NPR2: variants seen among roughly 807,000 people sequenced by gnomAD.
NPR2 encodes the protein natriuretic peptide receptor 2.
NPR2 carries 49 observed loss-of-function variants against 120.7 expected under a neutral mutation model. That is an observed-to-expected ratio of 0.41 (90% CI 0.32 to 0.52). The LOEUF (loss-of-function observed/expected upper bound fraction) is 0.52. Among genes scored for constraint, NPR2 ranks in the 20% least tolerant of loss-of-function variants. The pLI, the probability that NPR2 is intolerant of heterozygous loss-of-function variation, is 0.36. For missense variants in NPR2, 931 were observed against 1,362.9 expected, an observed-to-expected ratio of 0.68 and a Z score of 4.99; for synonymous variants, 484 against 519.8, an observed-to-expected ratio of 0.93 and a Z score of 0.94.
chr9:35,805,675 G>A lies in NPR2; in HGVS notation c.2047+5G>A, dbSNP rs199981802. On this transcript the variant is annotated splice_donor_5th_base_variant and intron_variant, in intron 13 of 21. Coordinates refer to ENST00000342694, the MANE Select transcript of NPR2 (RefSeq NM_003995.4). This position sits in a 1 kb window ranked among gnomAD's most constrained non-coding sequence, Gnocchi z 4.9. ...ACAGCCATGCCCTCTATGCCAGTGAGGCCCACCCCCACAACCCACTTTTTA... is the reference window on the plus strand; with the variant it reads ...ACAGCCATGCCCTCTATGCCAGTGAAGCCCACCCCCACAACCCACTTTTTA... The A allele has an allele frequency of 9.3e-6, 15 of 1,613,784 alleles. No individual in the cohort carries two copies. Among genetic ancestry groups the A allele is most frequent in the Non-Finnish European group, 1.3e-5 (15 of 1,180,020 alleles).
Position 35,809,175 on chromosome 9 carries a change from C to T in NPR2, c.3006C>T (p.Ser1002=). 1 of 1,614,050 alleles carries T rather than the reference C, an allele frequency of 6.2e-7. No individual in the cohort carries two copies. The highest frequency in any genetic ancestry group is 8.5e-7 in the Non-Finnish European group (1 of 1,179,972). The change falls in exon 21 of 22, where the codon TCC becomes TCT. Residue 1002 remains serine, a synonymous_variant. Coordinates refer to ENST00000342694, the MANE Select transcript of NPR2 (RefSeq NM_003995.4). The surrounding 1 kb of genome is among the most constrained non-coding windows in gnomAD (Gnocchi z 4.1). ...CCCCAGCGCTGAAGATCCATGTCTC[C>T]TCTACCACCAAGGATGCCCTAGATG... is the stretch of plus-strand genomic sequence containing the variant. ...SNGQALKIHV[S]STTKDALDEL...
Position 35,809,038 on chromosome 9 carries a change from C to A in NPR2, c.2987-118C>A, listed in dbSNP as rs1588074183. 2.8e-6 allele frequency: 3 copies of A among 1,074,308 alleles called. No homozygotes were observed. The highest frequency in any genetic ancestry group is 4.3e-6 in the Non-Finnish European group (3 of 692,630). 66.5% of individuals were successfully genotyped at this position (1,074,308 alleles called of 1,614,324 possible). On this transcript the variant is annotated intron_variant, in intron 20 of 21. Coordinates refer to ENST00000342694, the MANE Select transcript of NPR2 (RefSeq NM_003995.4). This position sits in a 1 kb window ranked among gnomAD's most constrained non-coding sequence, Gnocchi z 4.1. ...GCATATTTTGGTCCTAATAGATATG[C>A]ATTGGGAGCTTCCCAGGGATGGTTG...
Position 35,805,644 on chromosome 9 carries a change from C to G in NPR2, c.2021C>G (p.Pro674Arg), listed in dbSNP as rs1212858817. The change falls in exon 13 of 22, where the codon CCT becomes CGT. Residue 674 changes from proline (P) to arginine (R), a missense_variant. Pro to Arg is a moderately radical substitution (Grantham distance 103, BLOSUM62 -2). Coordinates refer to ENST00000342694, the MANE Select transcript of NPR2 (RefSeq NM_003995.4). This position sits in a 1 kb window ranked among gnomAD's most constrained non-coding sequence, Gnocchi z 4.9. ...GLASFRSTAE[P>R]DDSHALYAKK... Reference sequence around the variant, plus strand: ...GCCAGCTTCCGATCAACTGCTGAACCTGATGACAGCCATGCCCTCTATGCC... The same window carrying G: ...GCCAGCTTCCGATCAACTGCTGAACGTGATGACAGCCATGCCCTCTATGCC... The G allele has an allele frequency of 1.2e-6, 2 of 1,614,156 alleles. No homozygotes were observed. Among genetic ancestry groups the G allele is most frequent in the Non-Finnish European group, 1.7e-6 (2 of 1,180,040 alleles).
chr9:35,808,369 A>G lies in NPR2; in HGVS notation c.2713-140A>G. ...TCTCCTCTCCCCTAGACTCAGGACC[A>G]TGGCACTTATTTTCTAGTCAATATT... On this transcript the variant is annotated intron_variant, in intron 18 of 21. Transcript: ENST00000342694. This position sits in a 1 kb window ranked among gnomAD's most constrained non-coding sequence, Gnocchi z 4.0. The G allele has an allele frequency of 7.1e-7, 1 of 1,411,030 alleles. No homozygotes were observed. The allele number at this position is 1,411,030 out of a possible 1,614,324, so 87.4% of individuals were successfully genotyped here.
At chr9:35,794,870 A>G (rs1017427119) in intron 2 of NPR2, among the ~76,000 whole-genome samples, 6 of 152,024 alleles carry the variant, frequency 3.9e-5, no homozygotes, top group Admixed American at 1.3e-4. Flanking sequence ...ATAATTATAC[A>G]GTAGTGACAG....
At chr9:35,799,829 A>G (rs2132077787) in intron 3 of NPR2, 98 bp downstream of exon 3, 1 of 1,384,730 alleles carries the variant, frequency 7.2e-7, no homozygotes, top group East Asian at 2.3e-5. Context: ...AGCAAGCCCA[A>G]CTTTGGGGGG....
In NPR2 at chr9:35,793,021, C is replaced by A; in HGVS notation, c.613C>A (p.Arg205=). 6.2e-7 allele frequency: 1 copy of A among 1,609,274 alleles called. No homozygotes were observed. The highest frequency in any genetic ancestry group is 8.5e-7 in the Non-Finnish European group (1 of 1,177,388). ...CAGTGTGCAGCACCAGGTGTATGCCCGAGAGCCAGGGGGCCCCGAGCAGGC... is the reference window on the plus strand; with the variant it reads ...CAGTGTGCAGCACCAGGTGTATGCCAGAGAGCCAGGGGGCCCCGAGCAGGC... ...NLSVQHQVYA[R]EPGGPEQATH... is the part of the protein sequence containing the mutation. Residue 205 remains arginine (R), a synonymous_variant, in exon 1 of 22, where the codon CGA becomes AGA. Coordinates refer to ENST00000342694, the MANE Select transcript of NPR2 (RefSeq NM_003995.4).
Position 35,805,684 on chromosome 9 carries a change from C to G in NPR2, c.2047+14C>G. On this transcript the variant is annotated intron_variant, in intron 13 of 21. Coordinates refer to ENST00000342694, the MANE Select transcript of NPR2 (RefSeq NM_003995.4). The surrounding 1 kb of genome is among the most constrained non-coding windows in gnomAD (Gnocchi z 4.9). Reference sequence around the variant, plus strand: ...CCCTCTATGCCAGTGAGGCCCACCCCCACAACCCACTTTTTATATTGCTCC... The same window carrying G: ...CCCTCTATGCCAGTGAGGCCCACCCGCACAACCCACTTTTTATATTGCTCC... The G allele has an allele frequency of 6.2e-7, 1 of 1,613,852 alleles. No individual in the cohort carries two copies.
rs2236290 is a variant in NPR2, at chr9:35,806,834, C to A, written c.2520-189C>A. ...CCCATGCACAGGGATTCCCCTCAAA[C>A]CCCCCCGCCACTTGTGTGCCTTACC... On this transcript the variant is annotated intron_variant, in intron 16 of 21. Coordinates refer to ENST00000342694, the MANE Select transcript of NPR2 (RefSeq NM_003995.4). The surrounding 1 kb of genome is among the most constrained non-coding windows in gnomAD (Gnocchi z 4.6). Among the ~76,000 whole-genome samples the A allele has an allele frequency of 0.66, 100,337 of 151,050 alleles. 33,627 individuals are homozygous for A. Among genetic ancestry groups the A allele is most frequent in the African/African-American group, 0.77 (31,722 of 41,152 alleles).
chr9:35,799,854 C>A, intron 3 of NPR2, 123 bp downstream of exon 3: 2 of 1,383,260 alleles, frequency 1.4e-6, no homozygotes, highest in Non-Finnish European at 1.0e-6. Flanking sequence ...CGCTTCTGTC[C>A]AGGATTTTTC....
rs200583592 is a variant in NPR2, at chr9:35,805,681, C to T, written c.2047+11C>T. On this transcript the variant is annotated intron_variant, in intron 13 of 21. Coordinates refer to ENST00000342694, the MANE Select transcript of NPR2 (RefSeq NM_003995.4). This position sits in a 1 kb window ranked among gnomAD's most constrained non-coding sequence, Gnocchi z 4.9. ...ATGCCCTCTATGCCAGTGAGGCCCA[C>T]CCCCACAACCCACTTTTTATATTGC... The T allele has an allele frequency of 5.4e-4, 874 of 1,613,690 alleles. 10 individuals carry two copies. The South Asian group carries it at 9.0e-3, about 17-fold the overall frequency.
rs1308339080 is a variant in NPR2, at chr9:35,799,708, G to T, written c.964G>T (p.Gly322Cys). The T allele has an allele frequency of 6.2e-7, 1 of 1,613,990 alleles. No homozygotes were observed. ...GCTGATAAGAGCCCGGGAAGACTTTGGTGTGGAGCTGGGCCCTTCCCTGGT... is the reference window on the plus strand; with the variant it reads ...GCTGATAAGAGCCCGGGAAGACTTTTGTGTGGAGCTGGGCCCTTCCCTGGT... Reference protein sequence around the residue: ...RLLIRAREDFGVELGPSLMNL... With the variant: ...RLLIRAREDFCVELGPSLMNL... Residue 322 changes from glycine to cysteine, a missense_variant, in exon 3 of 22, where the codon GGT (glycine) becomes TGT (cysteine). By Grantham distance (159) the Gly-to-Cys change is radical (BLOSUM62 -3). Transcript: ENST00000342694.
At position 35,809,554 on chromosome 9, in the gene NPR2, A is replaced by G; in HGVS notation, c.*109A>G. 1 of 1,583,068 alleles carries G rather than the reference A, an allele frequency of 6.3e-7. No homozygotes were observed. The highest frequency in any genetic ancestry group is 8.7e-7 in the Non-Finnish European group (1 of 1,152,646). Reference sequence around the variant, plus strand: ...TGGACATTTTCATATGCAATGGAAAACAGCCACAAAAAAACCTACCTTATA... The same window carrying G: ...TGGACATTTTCATATGCAATGGAAAGCAGCCACAAAAAAACCTACCTTATA... On this transcript the variant is annotated 3_prime_UTR_variant, in exon 22 of 22. Coordinates refer to ENST00000342694, the MANE Select transcript of NPR2 (RefSeq NM_003995.4). This position sits in a 1 kb window ranked among gnomAD's most constrained non-coding sequence, Gnocchi z 4.1.
Position 35,792,883 on chromosome 9 carries a change from C to T in NPR2, c.475C>T (p.His159Tyr). The change falls in exon 1 of 22, where the codon CAC (histidine) becomes TAC (tyrosine). Residue 159 changes from histidine to tyrosine, a missense_variant. Physicochemically the swap from His to Tyr is moderately conservative, Grantham distance 83 (BLOSUM62 2). Transcript: ENST00000342694. ...TGAGTTTGTGGTGACACTACACGGG[C>T]ACTTCAATTGGACTGCCCGTGCTGC... is the stretch of plus-strand genomic sequence containing the variant. ...LGEFVVTLHG[H>Y]FNWTARAALL... 2.5e-6 allele frequency: 4 copies of T among 1,614,168 alleles called. No homozygotes were observed. Among genetic ancestry groups the T allele is most frequent in the Non-Finnish European group, 3.4e-6 (4 of 1,180,046 alleles).
At chr9:35,796,048 T>C (rs1438601179) in intron 2 of NPR2, among the ~76,000 whole-genome samples, 1 of 152,150 alleles carries the variant, frequency 6.6e-6, no homozygotes, top group African/African-American at 2.4e-5. Context: ...TAGGAACATA[T>C]TGTGATGTGT....
rs753284047 is a variant in NPR2, at chr9:35,808,158, G to A, written c.2713-351G>A. On this transcript the variant is annotated intron_variant, in intron 18 of 21. Transcript: ENST00000342694. The surrounding 1 kb of genome is among the most constrained non-coding windows in gnomAD (Gnocchi z 4.0). ...TGGGCTGTCAGGTCCATTTCACTGG[G>A]CCTGCTTTACCTCCTCACCAGCCTC... The A allele has an allele frequency of 2.5e-6, 4 of 1,591,420 alleles. No individual in the cohort carries two copies. In the South Asian group the frequency reaches 4.4e-5, roughly 18 times the overall value.
Position 35,800,982 on chromosome 9 carries a change from A to G in NPR2, c.1352-88A>G. 1.3e-6 allele frequency: 2 copies of G among 1,523,036 alleles called. No individual in the cohort carries two copies. The highest frequency in any genetic ancestry group is 1.1e-5 in the South Asian group (1 of 89,206). 94.3% of individuals were successfully genotyped at this position (1,523,036 alleles called of 1,614,324 possible). ...CCCTCCTCATTTCTTCCTACTCCCA[A>G]GGAGTCTGTCTATGCACCTATGCAC... is the stretch of plus-strand genomic sequence containing the variant. On this transcript the variant is annotated intron_variant, in intron 6 of 21. Coordinates refer to ENST00000342694, the MANE Select transcript of NPR2 (RefSeq NM_003995.4). This position sits in a 1 kb window ranked among gnomAD's most constrained non-coding sequence, Gnocchi z 4.7.
In NPR2 at chr9:35,800,535, T is replaced by C. The variant is rs1490125299; in HGVS notation, c.1218+52T>C. The C allele has an allele frequency of 1.3e-6, 2 of 1,583,610 alleles. No individual in the cohort carries two copies. Among genetic ancestry groups the C allele is most frequent in the Non-Finnish European group, 1.7e-6 (2 of 1,152,864 alleles). On this transcript the variant is annotated intron_variant, in intron 5 of 21. Coordinates refer to ENST00000342694, the MANE Select transcript of NPR2 (RefSeq NM_003995.4). The surrounding 1 kb of genome is among the most constrained non-coding windows in gnomAD (Gnocchi z 4.7). ...AGTGTGGCCCTGCAAAATCCAGCTTTCAAGGGTTCAGTCGGGGCAGAACCA... is the reference window on the plus strand; with the variant it reads ...AGTGTGGCCCTGCAAAATCCAGCTTCCAAGGGTTCAGTCGGGGCAGAACCA...
chr9:35,804,374 C>G (rs1828286157), intron 12 of NPR2, among the ~76,000 whole-genome samples: 2 of 152,094 alleles, frequency 1.3e-5, no homozygotes, highest in African/African-American at 4.8e-5. Context: ...GCTGGGACCA[C>G]AGCGTGTGCT....
Sources: gnomAD v4.1 joint callset for allele counts (sites outside exome capture counted in the v4.1 genomes callset) on GRCh38, gnomAD v4.1.1 for gene constraint, Gnocchi (gnomAD v3.1) non-coding constraint, MANE v1.5 for transcripts, NCBI Gene and HGNC (gene_info 2026-07-23, HGNC 2026-07-21) for gene names.